Variants in KIDINS220 observed in about 807,000 individuals in gnomAD.
KIDINS220 encodes kinase D-interacting substrate of 220 kDa.
In KIDINS220, 63 loss-of-function variants were observed where a neutral mutation model predicts 157.6. The observed-to-expected ratio is 0.40, with a 90% CI of 0.33 to 0.49. The LOEUF (loss-of-function observed/expected upper bound fraction) is 0.49. Ranked by LOEUF, KIDINS220 falls within the 20% of genes least tolerant of loss-of-function variation. The pLI is 0.66. For missense variants in KIDINS220, 1,772 were observed against 2,171.2 expected (o/e 0.82, Z 3.65); for synonymous variants, 732 against 783.6 (o/e 0.93, Z 1.10).
intron 28 of KIDINS220, among the ~76,000 whole-genome samples, 157 bp downstream of exon 28, chr2:8,734,498 A>G (rs570824369): frequency 3.2e-4 from 49 of 152,380 alleles, no homozygotes; most frequent in African/African-American, 1.1e-3. Flanking sequence ...AGGATTGCAC[A>G]TAAGTGTAAG....
chr2:8,776,564 A>G (rs1670981234), intron 21 of KIDINS220, among the ~76,000 whole-genome samples, 184 bp downstream of exon 21: 1 of 152,238 alleles, frequency 6.6e-6, no homozygotes. Context: ...ACAGTTGATA[A>G]TATCAGTTGA....
rs1410244605 is a variant in KIDINS220 at position 8,730,285 on chromosome 2, A to G, written c.*435T>C. ...TGTGCACTCACCTAGGTGAGCCCCT[A>G]AGAGCAGGGTTTGCTTCTGCTTCAC... On this transcript the variant is annotated 3_prime_UTR_variant, in exon 30 of 30. Coordinates refer to ENST00000256707, the MANE Select transcript of KIDINS220 (RefSeq NM_020738.4). 2.0e-5 allele frequency: 20 copies of G among 999,420 alleles called. No individual in the cohort carries two copies. Among genetic ancestry groups the G allele is most frequent in the Non-Finnish European group, 2.1e-5 (18 of 839,158 alleles). The allele number at this position is 999,420 out of a possible 1,614,324, so 61.9% of individuals were successfully genotyped here.
At chr2:8,816,972 C>T (rs1017598953) in intron 4 of KIDINS220, among the ~76,000 whole-genome samples, 1 of 152,192 alleles carries the variant, frequency 6.6e-6, no homozygotes, top group African/African-American at 2.4e-5. Flanking sequence ...ACTTCAAAAA[C>T]CATCATCAGC....
chr2:8,759,842 T>A (rs1470144121), intron 22 of KIDINS220, among the ~76,000 whole-genome samples: 1 of 152,154 alleles, frequency 6.6e-6, no homozygotes, highest in Non-Finnish European at 1.5e-5. Context: ...TGTCTGCCAT[T>A]CTCTGAGGCA....
chr2:8,736,801 C>A, intron 27 of KIDINS220, 67 bp downstream of exon 27: 1 of 1,540,566 alleles, frequency 6.5e-7, no homozygotes, highest in Non-Finnish European at 8.8e-7. Flanking sequence ...AAAGTTTACA[C>A]GACCCACACA....
intron 25 of KIDINS220, chr2:8,747,432 T>C: frequency 3.6e-6 from 2 of 554,438 alleles, no homozygotes; most frequent in Non-Finnish European, 6.4e-6. Flanking sequence ...TTAGATTCAA[T>C]AGTTCATTGG....
rs181062610 is a variant in KIDINS220, at chr2:8,781,491, G to A, written c.2230-1677C>T. The stretch of plus-strand genomic sequence containing the variant: ...CACATTCTTTTCAAACTCACATAAA[G>A]CATTCACCAAGATGGACCACATTCT... On this transcript the variant is annotated intron_variant, in intron 17 of 29. Coordinates refer to ENST00000256707, the MANE Select transcript of KIDINS220 (RefSeq NM_020738.4). Among the ~76,000 whole-genome samples, 12 of 151,622 alleles carry A rather than the reference G, an allele frequency of 7.9e-5. No individual in the cohort carries two copies. The East Asian group carries it at 1.6e-3, about 20-fold the overall frequency.
rs1475663024 is a variant in KIDINS220 at position 8,776,820 on chromosome 2, C to A, written c.2776G>T (p.Val926Phe). Reference sequence around the variant, plus strand: ...ATGTCACTGAACCAGTCCTCGGTAACCAGCAGTTTTGTAAGATCAAAGGAC... The same window carrying A: ...ATGTCACTGAACCAGTCCTCGGTAAACAGCAGTTTTGTAAGATCAAAGGAC... ...QMSFDLTKLLVTEDWFSDISP... is the reference protein window; with the variant it reads ...QMSFDLTKLLFTEDWFSDISP... The change falls in exon 21 of 30, where the codon GTT (valine) becomes TTT (phenylalanine). Residue 926 changes from valine (V) to phenylalanine (F), a missense_variant. Coordinates refer to ENST00000256707, the MANE Select transcript of KIDINS220 (RefSeq NM_020738.4). 6.2e-7 allele frequency: 1 copy of A among 1,614,028 alleles called. No individual in the cohort carries two copies. Among genetic ancestry groups the A allele is most frequent in the Non-Finnish European group, 8.5e-7 (1 of 1,179,956 alleles).
chr2:8,811,912 A>G (rs6747534), intron 6 of KIDINS220, among the ~76,000 whole-genome samples: 149,861 of 152,190 alleles, frequency 0.98, 73,834 homozygotes, highest in Middle Eastern at 1. Context: ...TGGGTCATTC[A>G]GTGGCTGGCA....
At chr2:8,788,559 A>G in intron 15 of KIDINS220, 88 bp downstream of exon 15, 2 of 1,306,444 alleles carry the variant, frequency 1.5e-6, no homozygotes, top group Non-Finnish European at 1.1e-6. Flanking sequence ...GTGAGCCACC[A>G]CACCCGGCTC....
intron 6 of KIDINS220, among the ~76,000 whole-genome samples, chr2:8,808,136 A>C (rs1429052539): frequency 6.6e-6 from 1 of 152,014 alleles, no homozygotes; most frequent in Non-Finnish European, 1.5e-5. Context: ...AAAGAAAAAA[A>C]AAAAGAAATA....
At chr2:8,757,737 G>A in intron 22 of KIDINS220, 2 of 1,612,288 alleles carry the variant, frequency 1.2e-6, no homozygotes, top group Non-Finnish European at 1.7e-6. Flanking sequence ...AACTAACACT[G>A]ACTTGGAAAT....
At chr2:8,822,807 T>C (rs903337062) in intron 2 of KIDINS220, among the ~76,000 whole-genome samples, 3 of 152,142 alleles carry the variant, frequency 2.0e-5, no homozygotes, top group African/African-American at 7.2e-5. Flanking sequence ...ATAAAAACTC[T>C]TCACTACTCT....
chr2:8,810,045 G>A (rs547133484), intron 6 of KIDINS220, among the ~76,000 whole-genome samples: 63 of 152,194 alleles, frequency 4.1e-4, no homozygotes, highest in African/African-American at 1.5e-3. Context: ...ACCTGAAGCC[G>A]TCCCCTGGTA....
intron 3 of KIDINS220, among the ~76,000 whole-genome samples, chr2:8,818,435 T>G (rs571962394): frequency 1.3e-5 from 2 of 152,270 alleles, no homozygotes; most frequent in South Asian, 4.1e-4. Flanking sequence ...ATCTTCTAGG[T>G]AGATATTTAA....
chr2:8,733,581 G>C lies in KIDINS220; in HGVS notation c.3916C>G (p.Arg1306Gly). The C allele has an allele frequency of 6.2e-7, 1 of 1,614,104 alleles. No individual in the cohort carries two copies. Among genetic ancestry groups the C allele is most frequent in the Non-Finnish European group, 8.5e-7 (1 of 1,180,030 alleles). ...GGCAGCTCGTTGTGGGAAGCGCGGC[G>C]AGCAGGCTCACCGTGCGGGGCTGGG... ...SGPAPHGEPA[R>G]RASHNELPHT... Residue 1306 changes from arginine to glycine, a missense_variant, in exon 29 of 30, where the codon CGC (arginine) becomes GGC (glycine). Physicochemically the swap from Arg to Gly is moderately radical, Grantham distance 125 (BLOSUM62 -2). Coordinates refer to ENST00000256707, the MANE Select transcript of KIDINS220 (RefSeq NM_020738.4).
intron 22 of KIDINS220, 35 bp from the exon 23 acceptor site, chr2:8,751,679 T>C (rs762118066): frequency 7.0e-7 from 1 of 1,436,810 alleles, no homozygotes; most frequent in Non-Finnish European, 9.7e-7. Flanking sequence ...AGGTTATTAA[T>C]GTCACTATTA....
rs1666160384 is a variant in KIDINS220 at position 8,744,383 on chromosome 2, AAAAAAATATATATATATAATATAT to A, written c.3585+2738_3585+2761del. Among the ~76,000 whole-genome samples the A allele has an allele frequency of 5.2e-4, 15 of 28,934 alleles. 2 individuals carry two copies. In the South Asian group the frequency reaches 7.5e-3, roughly 14 times the overall value. The allele number at this position is 28,934 out of a possible 152,430, so 19.0% of individuals were successfully genotyped here. A position where few individuals can be genotyped will look rare whatever the true frequency, so the allele number is the denominator to read the frequency against. On this transcript the variant is annotated intron_variant, in intron 26 of 29. Transcript: ENST00000256707. ...CATGGCAAAAAAAAAAAAAAAAAAA[AAAAAAATATATATATATAATATAT>A]ATATATATATATATATATATATATA...
chr2:8,735,640 T>C (rs915192085), intron 27 of KIDINS220, among the ~76,000 whole-genome samples: 2 of 152,248 alleles, frequency 1.3e-5, no homozygotes, highest in Admixed American at 6.5e-5. Context: ...ATAGGTAGCT[T>C]ACTGCTTTTA....
Sources: gnomAD v4.1 joint callset for allele counts (sites outside exome capture counted in the v4.1 genomes callset) on GRCh38, gnomAD v4.1.1 for gene constraint, MANE v1.5 for transcripts, NCBI Gene and HGNC (gene_info 2026-07-23, HGNC 2026-07-21) for gene names.